SHROOM2: variants seen among roughly 807,000 people sequenced by gnomAD.
SHROOM2 encodes the protein shroom family member 2.
A neutral mutation model predicts 75.9 loss-of-function variants in SHROOM2; 33 were observed. That is an observed-to-expected ratio of 0.43 (90% CI 0.33 to 0.58). SHROOM2 has a LOEUF of 0.58. Ranked by LOEUF, SHROOM2 falls within the 20% of genes least tolerant of loss-of-function variation. SHROOM2 has a pLI of 0.04. For missense variants in SHROOM2, 1,434 were observed against 1,461.2 expected, an observed-to-expected ratio of 0.98 and a Z score of 0.30; for synonymous variants, 655 against 663.6, an observed-to-expected ratio of 0.99 and a Z score of 0.20.
intron 1 of SHROOM2, among the ~76,000 whole-genome samples, chrX:9,823,052 T>C (rs1601927700): frequency 1.1e-5 from 1 of 91,182 alleles, no homozygotes. Flanking sequence ...CTCCTCCTCC[T>C]CCTCCTCCTC....
intron 2 of SHROOM2, among the ~76,000 whole-genome samples, chrX:9,884,368 CTTTTTT>C (rs1181815816): frequency 4.8e-5 from 3 of 62,307 alleles, no homozygotes; most frequent in African/African-American, 1.7e-4. Context: ...TTTTTCTTTT[CTTTTTT>C]TTTTTTTTTT....
chrX:9,870,307 G>A (rs2084164600), intron 1 of SHROOM2, among the ~76,000 whole-genome samples: 1 of 111,494 alleles, frequency 9.0e-6, no homozygotes, highest in Admixed American at 9.6e-5. Flanking sequence ...GCATGTGACT[G>A]GTATTATTTT....
chrX:9,881,723 C>G (rs2405945), intron 2 of SHROOM2, among the ~76,000 whole-genome samples: 26,677 of 111,580 alleles, frequency 0.24, 3,107 homozygotes, highest in East Asian at 0.53. Flanking sequence ...GGACCTTCCT[C>G]CCTCTGCCTC....
rs144116369 is a variant in SHROOM2, at chrX:9,944,546, C to T, written c.4312-95C>T. 1.6e-3 allele frequency: 1,475 copies of T among 923,481 alleles called. 9 individuals are homozygous for T. The African/African-American group carries it at 0.025, about 15-fold the overall frequency. 76.1% of individuals were successfully genotyped at this position (923,481 alleles called of 1,213,427 possible). ...TCACGCAGGTCAGCTGCACCTTTCA[C>T]GTAGGTGCGCCAAGGTGGCAGTGAG... On this transcript the variant is annotated intron_variant, in intron 8 of 9. Coordinates refer to ENST00000380913, the MANE Select transcript of SHROOM2 (RefSeq NM_001649.4).
chrX:9,792,513 A>C (rs781096452), intron 1 of SHROOM2, among the ~76,000 whole-genome samples: 3 of 105,252 alleles, frequency 2.9e-5, no homozygotes, highest in Admixed American at 1.1e-4. Flanking sequence ...AGTTGCAGGC[A>C]ATGAGGGCTG....
intron 5 of SHROOM2, among the ~76,000 whole-genome samples, chrX:9,921,889 A>G (rs192070392): frequency 2.8e-4 from 31 of 111,983 alleles, no homozygotes; most frequent in African/African-American, 1.0e-3. Flanking sequence ...GGCATTCACA[A>G]TATAAATAGT....
At chrX:9,902,080 G>A (rs974067515) in intron 5 of SHROOM2, among the ~76,000 whole-genome samples, 11 of 110,930 alleles carry the variant, frequency 9.9e-5, no homozygotes, top group Non-Finnish European at 1.5e-4. Flanking sequence ...ATACATGGAT[G>A]AGATGTAGGG....
chrX:9,896,529 C>T lies in SHROOM2; in HGVS notation c.2621C>T (p.Ala874Val), dbSNP rs1376146122. The part of the protein sequence containing the change: ...SDLPRRLGTF[A>V]EYQASWKEQR... ...CTGCCGCGGAGGCTCGGCACCTTTG[C>T]AGAGTATCAGGCCTCTTGGAAGGAA... The change falls in exon 4 of 10, where the codon GCA becomes GTA. Residue 874 changes from alanine (A) to valine (V), a missense_variant. By Grantham distance (64) the Ala-to-Val change is moderately conservative. This residue lies in a region of SHROOM2 where 1,340 missense variants were observed against 1,338.3 expected (regional missense o/e 1.00). Transcript: ENST00000380913. 1.7e-6 allele frequency: 2 copies of T among 1,211,034 alleles called. No individual in the cohort carries two copies. The highest frequency in any genetic ancestry group is 1.8e-5 in the South Asian group (1 of 56,843).
Position 9,890,965 on chromosome X carries a change from G to A in SHROOM2, c.318-12G>A, listed in dbSNP as rs376004248. 14 of 1,198,066 alleles carry A rather than the reference G, an allele frequency of 1.2e-5. No individual in the cohort carries two copies. Among genetic ancestry groups the A allele is most frequent in the Non-Finnish European group, 1.5e-5 (13 of 888,745 alleles). On this transcript the variant is annotated splice_polypyrimidine_tract_variant and intron_variant, in intron 2 of 9. Coordinates refer to ENST00000380913, the MANE Select transcript of SHROOM2 (RefSeq NM_001649.4). ...GTCCCTGACCCCCCGCCTCCCCTGC[G>A]TTCTTTTCTAGGAGGAGCGAGCTGG...
chrX:9,843,160 A>G (rs918817345), intron 1 of SHROOM2, among the ~76,000 whole-genome samples: 1 of 108,802 alleles, frequency 9.2e-6, no homozygotes, highest in South Asian at 4.0e-4. Context: ...AGTAAGGAGA[A>G]TTCTCACCTC....
At position 9,925,067 on chromosome X, in the gene SHROOM2, G is replaced by C. The variant is rs186562814; in HGVS notation, c.2892-7108G>C. Among the ~76,000 whole-genome samples, 957 of 111,374 alleles carry C rather than the reference G, an allele frequency of 8.6e-3. 14 individuals are homozygous for C. Among genetic ancestry groups the C allele is most frequent in the African/African-American group, 0.029 (899 of 30,569 alleles). On this transcript the variant is annotated intron_variant, in intron 5 of 9. Transcript: ENST00000380913. Reference sequence around the variant, plus strand: ...CATTGATAGGTTGGTTGCTTGGTTGGTTTCTTGCCTCTTTTGGGCTCCATC... The same window carrying C: ...CATTGATAGGTTGGTTGCTTGGTTGCTTTCTTGCCTCTTTTGGGCTCCATC...
In SHROOM2 at chrX:9,937,237, T is replaced by C; in HGVS notation, c.3691T>C (p.Cys1231Arg). The C allele has an allele frequency of 8.3e-7, 1 of 1,207,638 alleles. No individual in the cohort carries two copies. The highest frequency in any genetic ancestry group is 1.1e-6 in the Non-Finnish European group (1 of 893,650). ...GAAGGAGAGCCGCCAGAGCCTGGCA[T>C]GCCCCGCCGAGCCACCTGCCCTGCC... Reference protein sequence around the residue: ...PEKESRQSLACPAEPPALPHG... With the variant: ...PEKESRQSLARPAEPPALPHG... The change falls in exon 7 of 10, where the codon TGC becomes CGC. Residue 1231 changes from cysteine to arginine, a missense_variant. By Grantham distance (180) the Cys-to-Arg change is radical (BLOSUM62 -3). Transcript: ENST00000380913.
chrX:9,896,295 A>T lies in SHROOM2; in HGVS notation c.2387A>T (p.Asp796Val). ...TSEDTVGTFA[D>V]RWKFFEETSK... ...GAGGATACTGTGGGCACGTTTGCTGACAGGTGGAAGTTTTTTGAGGAAACG... is the reference window on the plus strand; with the variant it reads ...GAGGATACTGTGGGCACGTTTGCTGTCAGGTGGAAGTTTTTTGAGGAAACG... Residue 796 changes from aspartate (D) to valine (V), a missense_variant, in exon 4 of 10, where the codon GAC becomes GTC. Around this residue, in one of 3 missense-constraint regions of SHROOM2, gnomAD observed 1,340 missense variants for 1,338.3 expected, o/e 1.00. Coordinates refer to ENST00000380913, the MANE Select transcript of SHROOM2 (RefSeq NM_001649.4). 8.2e-7 allele frequency: 1 copy of T among 1,212,247 alleles called. No individual in the cohort carries two copies. The highest frequency in any genetic ancestry group is 1.1e-6 in the Non-Finnish European group (1 of 895,602).
chrX:9,894,857 C>T lies in SHROOM2; in HGVS notation c.949C>T (p.Pro317Ser), dbSNP rs773337337. 3 of 1,210,872 alleles carry T rather than the reference C, an allele frequency of 2.5e-6. No individual in the cohort carries two copies. The highest frequency in any genetic ancestry group is 3.0e-5 in the East Asian group (1 of 33,824). Residue 317 changes from proline to serine, a missense_variant, in exon 4 of 10, where the codon CCC (proline) becomes TCC (serine). Coordinates refer to ENST00000380913, the MANE Select transcript of SHROOM2 (RefSeq NM_001649.4). ...GAAAGCACCATCATCCCCACCTCCT[C>T]CCCCTCCCCCTCTCCGCAGTGACAG... ...KKKAPSSPPP[P>S]PPPLRSDSFA...
At position 9,943,306 on chromosome X, in the gene SHROOM2, G is replaced by A. The variant is rs201404052; in HGVS notation, c.4312-1335G>A. Among the ~76,000 whole-genome samples, 5 of 111,268 alleles carry A rather than the reference G, an allele frequency of 4.5e-5. No individual in the cohort carries two copies. The East Asian group carries it at 8.4e-4, about 19-fold the overall frequency. ...ACGCAATCAGGAAATAGGCTGCCTC[G>A]TATCTGGCACATGTTTCTCCTGCTG... is the stretch of plus-strand genomic sequence containing the variant. On this transcript the variant is annotated intron_variant, in intron 8 of 9. Transcript: ENST00000380913.
rs1463790388 is a variant in SHROOM2, at chrX:9,804,022, A to T, written c.165+17312A>T. On this transcript the variant is annotated intron_variant, in intron 1 of 9. Transcript: ENST00000380913. ...ACTCACAGTGTCTGGCCTTGGGAAGATGGACTGGGTGGGTTAAGGAAGGCC... is the reference window on the plus strand; with the variant it reads ...ACTCACAGTGTCTGGCCTTGGGAAGTTGGACTGGGTGGGTTAAGGAAGGCC... 9.0e-5 allele frequency among the ~76,000 whole-genome samples: 10 copies of T among 111,644 alleles called. No homozygotes were observed. In the Admixed American group the frequency reaches 9.6e-4, roughly 11 times the overall value.
At chrX:9,903,084 GT>G (rs1288612512) in intron 5 of SHROOM2, among the ~76,000 whole-genome samples, 2 of 112,374 alleles carry the variant, frequency 1.8e-5, no homozygotes, top group Non-Finnish European at 3.8e-5. Context: ...CTTCCTGGAT[GT>G]TTTCCCTGAG....
intron 6 of SHROOM2, among the ~76,000 whole-genome samples, chrX:9,934,545 A>G (rs779531904): frequency 4.8e-4 from 54 of 111,509 alleles, no homozygotes; most frequent in Non-Finnish European, 5.7e-4. Flanking sequence ...AAGATCTCAT[A>G]GACTGCACGG....
intron 1 of SHROOM2, among the ~76,000 whole-genome samples, chrX:9,835,860 T>C (rs770974821): frequency 9.0e-6 from 1 of 110,561 alleles, no homozygotes; most frequent in African/African-American, 3.3e-5. Context: ...ATCACTGGAG[T>C]AGTTGTGTGC....
Sources: allele counts gnomAD v4.1 joint callset (sites outside exome capture counted in the v4.1 genomes callset), GRCh38; gene constraint gnomAD v4.1.1; regional missense constraint gnomAD v4.1.1; transcripts MANE v1.5; gene names NCBI Gene and HGNC (gene_info 2026-07-23, HGNC 2026-07-21).